ANXA4: variants seen among roughly 807,000 people sequenced by gnomAD.
ANXA4 encodes the protein annexin A4.
ANXA4 carries 39 observed loss-of-function variants against 49.8 expected under a neutral mutation model. The observed-to-expected ratio is 0.78, with a 90% confidence interval of 0.61 to 1.02. The LOEUF (loss-of-function observed/expected upper bound fraction) is 1.02, where lower values mean the gene tolerates loss of function less well. Ranked by LOEUF, ANXA4 falls within the 50% of genes least tolerant of loss-of-function variation. The pLI is 0.00. For synonymous variants in ANXA4, 134 were observed against 152.5 expected (o/e 0.88, Z 0.89); for missense variants, 360 against 410.1 (o/e 0.88, Z 1.05).
intron 3 of ANXA4, 139 bp from the exon 4 acceptor site, chr2:69,804,394 G>C (rs1221567942): frequency 1.4e-6 from 1 of 699,442 alleles, no homozygotes; most frequent in East Asian, 2.8e-5. Flanking sequence ...CCAAAAAGTA[G>C]ACAAACCCTC....
intron 3 of ANXA4, among the ~76,000 whole-genome samples, chr2:69,731,976 C>CTTTTTTTTTTTTTT (rs1349540007): frequency 1.9e-5 from 2 of 107,008 alleles, no homozygotes; most frequent in African/African-American, 8.0e-5. Context: ...ATTTTCTTTT[C>CTTTTTTTTTTTTTT]TTTCTTTTTT....
chr2:69,736,400 C>T (rs1185140309), intron 3 of ANXA4, among the ~76,000 whole-genome samples: 3 of 152,126 alleles, frequency 2.0e-5, no homozygotes, highest in Non-Finnish European at 2.9e-5. Flanking sequence ...CTCATCGAAC[C>T]GTGTGAGGAT....
chr2:69,647,499 C>T (rs190344340), intron 1 of ANXA4, among the ~76,000 whole-genome samples: 1 of 151,940 alleles, frequency 6.6e-6, no homozygotes, highest in Admixed American at 6.6e-5. Flanking sequence ...ACCTCTGCCT[C>T]CCAGGCTCCA....
At chr2:69,806,874 G>A (rs1673463479) in intron 5 of ANXA4, among the ~76,000 whole-genome samples, 2 of 152,208 alleles carry the variant, frequency 1.3e-5, no homozygotes, top group African/African-American at 4.8e-5. Flanking sequence ...AGAGGATCAG[G>A]AAAAATAACT....
intron 2 of ANXA4, among the ~76,000 whole-genome samples, chr2:69,787,742 A>G (rs1000507084): frequency 6.6e-6 from 1 of 152,144 alleles, no homozygotes; most frequent in Non-Finnish European, 1.5e-5. Flanking sequence ...GCTTCATTTC[A>G]TTCAGCTCTT....
chr2:69,689,492 A>G (rs12472483), intron 2 of ANXA4, among the ~76,000 whole-genome samples: 20,647 of 152,190 alleles, frequency 0.14, 2,056 homozygotes, highest in East Asian at 0.37. Context: ...AAAGACATCA[A>G]TAAAATTACT....
intron 2 of ANXA4, among the ~76,000 whole-genome samples, chr2:69,665,148 C>T (rs1040862823): frequency 6.6e-6 from 1 of 152,056 alleles, no homozygotes; most frequent in African/African-American, 2.4e-5. Flanking sequence ...ACTTTCAAAA[C>T]CGCATCTTGA....
intron 3 of ANXA4, among the ~76,000 whole-genome samples, chr2:69,797,886 C>G (rs1359047845): frequency 6.6e-6 from 1 of 152,194 alleles, no homozygotes; most frequent in African/African-American, 2.4e-5. Flanking sequence ...AAAGGGCAGA[C>G]AAGATTCCTC....
intron 1 of ANXA4, among the ~76,000 whole-genome samples, chr2:69,760,051 C>G (rs988276593): frequency 1.3e-5 from 2 of 152,142 alleles, no homozygotes; most frequent in African/African-American, 2.4e-5. Flanking sequence ...CCAGGATGGT[C>G]TCTATCTCCT....
chr2:69,674,635 C>A (rs1243274745), intron 2 of ANXA4, among the ~76,000 whole-genome samples: 1 of 152,160 alleles, frequency 6.6e-6, no homozygotes, highest in East Asian at 1.9e-4. Context: ...TTTACAGAAG[C>A]ACTCAGCAAT....
At chr2:69,752,953 GT>G (rs1442789498) in intron 1 of ANXA4, among the ~76,000 whole-genome samples, 1 of 152,124 alleles carries the variant, frequency 6.6e-6, no homozygotes, top group Non-Finnish European at 1.5e-5. Context: ...TGCTTTTACT[GT>G]TTACTCTGCT....
At chr2:69,759,561 T>C (rs935169849) in intron 1 of ANXA4, among the ~76,000 whole-genome samples, 6 of 152,308 alleles carry the variant, frequency 3.9e-5, no homozygotes, top group Admixed American at 6.5e-5. Flanking sequence ...ATTCTACCTC[T>C]ACCTAGATTC....
intron 3 of ANXA4, among the ~76,000 whole-genome samples, chr2:69,733,708 T>C (rs114576432): frequency 0.014 from 2,063 of 152,152 alleles, 50 homozygotes; most frequent in African/African-American, 0.047. Flanking sequence ...TTATGAATAA[T>C]AATATTCAGA....
In ANXA4 at chr2:69,788,119, G is replaced by A; in HGVS notation, c.75G>A (p.Leu25=). ...GFNAMEDAQT[L]RKAMKGLGTD... is the part of the protein sequence containing the mutation. The stretch of plus-strand genomic sequence containing the variant: ...ATGCCATGGAAGATGCCCAGACCCT[G>A]AGGAAGGCCATGAAAGGGCTCGGTA... Residue 25 remains leucine (L), a synonymous_variant, in exon 3 of 13, where the codon CTG becomes CTA. Transcript: ENST00000394295. 1 of 1,614,078 alleles carries A rather than the reference G, an allele frequency of 6.2e-7. No homozygotes were observed. Among genetic ancestry groups the A allele is most frequent in the Non-Finnish European group, 8.5e-7 (1 of 1,179,940 alleles).
chr2:69,684,432 G>C (rs1001685661), intron 2 of ANXA4, among the ~76,000 whole-genome samples: 1 of 152,126 alleles, frequency 6.6e-6, no homozygotes, highest in Non-Finnish European at 1.5e-5. Flanking sequence ...TTGTAGTAAA[G>C]TTTGAGGAAT....
At chr2:69,760,717 AC>A (rs1214228756) in intron 1 of ANXA4, among the ~76,000 whole-genome samples, 1 of 152,196 alleles carries the variant, frequency 6.6e-6, no homozygotes, top group East Asian at 1.9e-4. Context: ...AGATAAATAA[AC>A]AAGTTTTTGT....
Position 69,732,532 on chromosome 2 carries a change from G to A in ANXA4, n.864+11661G>A, listed in dbSNP as rs191877036. Among the ~76,000 whole-genome samples, 308 of 152,086 alleles carry A rather than the reference G, an allele frequency of 2.0e-3. 3 individuals carry two copies. The highest frequency in any genetic ancestry group is 0.017 in the Middle Eastern group (5 of 294). On this transcript the variant is annotated intron_variant and non_coding_transcript_variant, in intron 3 of 3. Transcript: ENST00000418066. ...CCAGCACTTTGGGAGGCCAAGGCAG[G>A]CGGATCACCTGAGGTCGGGAGTTCG...
rs1264012868 is a variant in ANXA4, at chr2:69,811,977, T to C, written c.478-676T>C. On this transcript the variant is annotated intron_variant, in intron 7 of 12. Coordinates refer to ENST00000394295, the MANE Select transcript of ANXA4 (RefSeq NM_001153.5). ...TAGAGGAAAGTAGCCCATTTTATCA[T>C]TTGTTAGCATTCTTCAGAGGCTTCC... Among the ~76,000 whole-genome samples the C allele has an allele frequency of 2.0e-5, 3 of 152,132 alleles. No homozygotes were observed. The South Asian group carries it at 6.2e-4, about 31-fold the overall frequency.
At chr2:69,764,077 C>A (rs145677801) in intron 1 of ANXA4, among the ~76,000 whole-genome samples, 48 of 152,256 alleles carry the variant, frequency 3.2e-4, no homozygotes, top group Middle Eastern at 3.4e-3. Context: ...GAAATGGAGG[C>A]CTGTAGTTTG....
Sources: allele counts gnomAD v4.1 joint callset (sites outside exome capture counted in the v4.1 genomes callset), GRCh38; gene constraint gnomAD v4.1.1; transcripts MANE v1.5; gene names NCBI Gene and HGNC (gene_info 2026-07-23, HGNC 2026-07-21).